The following UNC5C variants were observed in gnomAD, a reference collection of about 807,000 sequenced individuals.
The protein encoded by UNC5C is netrin receptor UNC5C.
A neutral mutation model predicts 99.8 loss-of-function variants in UNC5C; 47 were observed. The observed-to-expected ratio is 0.47, with a 90% confidence interval of 0.37 to 0.60. The LOEUF is 0.60. UNC5C is among the 20% of genes least tolerant of loss of function. The pLI, the probability that UNC5C is intolerant of heterozygous loss-of-function variation, is 0.00. For synonymous variants in UNC5C, 487 were observed against 452.2 expected (o/e 1.08, Z -0.98); for missense variants, 1,062 against 1,165.9 (o/e 0.91, Z 1.30).
At chr4:95,372,896 C>CCCTA (rs1270051472) in intron 1 of UNC5C, among the ~76,000 whole-genome samples, 3 of 152,056 alleles carry the variant, frequency 2.0e-5, no homozygotes, top group Non-Finnish European at 4.4e-5. Context: ...TAGCACCAGG[C>CCCTA]CCTAGGTCCT....
At chr4:95,505,124 T>A (rs895762231) in intron 1 of UNC5C, among the ~76,000 whole-genome samples, 2 of 152,124 alleles carry the variant, frequency 1.3e-5, no homozygotes, top group Non-Finnish European at 2.9e-5. Context: ...CTGCTTTAAC[T>A]GGTCCGTTAT....
chr4:95,278,185 A>G (rs1014786831), intron 4 of UNC5C, 74 bp downstream of exon 4: 3 of 1,227,702 alleles, frequency 2.4e-6, no homozygotes, highest in Non-Finnish European at 2.4e-6. Context: ...TCACTGCACC[A>G]TTAGCCATGG....
chr4:95,354,205 G>T lies in UNC5C; in HGVS notation c.125-18574C>A, dbSNP rs181522223. The stretch of plus-strand genomic sequence containing the variant: ...TCATAACTGTTGTTGTGTGCCTGCT[G>T]TCTAAAGGTAAGATCTGACTAAGTC... On this transcript the variant is annotated intron_variant, in intron 1 of 15. Coordinates refer to ENST00000453304, the MANE Select transcript of UNC5C (RefSeq NM_003728.4). Among the ~76,000 whole-genome samples, 314 of 151,918 alleles carry T rather than the reference G, an allele frequency of 2.1e-3. 2 individuals carry two copies. Among genetic ancestry groups the T allele is most frequent in the African/African-American group, 7.2e-3 (300 of 41,418 alleles).
chr4:95,475,273 G>C (rs1428721164), intron 1 of UNC5C, among the ~76,000 whole-genome samples: 2 of 151,984 alleles, frequency 1.3e-5, no homozygotes, highest in African/African-American at 2.4e-5. Flanking sequence ...TTATTGAAGG[G>C]AACATGTGAG....
At chr4:95,492,167 A>G (rs560988951) in intron 1 of UNC5C, among the ~76,000 whole-genome samples, 16 of 151,618 alleles carry the variant, frequency 1.1e-4, no homozygotes, top group South Asian at 1.0e-3. Context: ...AGCAATGTAT[A>G]GTTTGGGGAA....
At chr4:95,223,310 T>G (rs1254521330) in intron 7 of UNC5C, among the ~76,000 whole-genome samples, 3 of 152,196 alleles carry the variant, frequency 2.0e-5, no homozygotes, top group Non-Finnish European at 2.9e-5. Flanking sequence ...AAAATGAAGA[T>G]GACTAAGAAG....
At chr4:95,231,387 A>T (rs1349803229) in intron 7 of UNC5C, among the ~76,000 whole-genome samples, 2 of 152,202 alleles carry the variant, frequency 1.3e-5, no homozygotes, top group Non-Finnish European at 2.9e-5. Flanking sequence ...CATATGACAT[A>T]ATGTCATTTA....
At chr4:95,490,611 T>C (rs572063250) in intron 1 of UNC5C, among the ~76,000 whole-genome samples, 1 of 151,766 alleles carries the variant, frequency 6.6e-6, no homozygotes, top group African/African-American at 2.4e-5. Flanking sequence ...CAAATATAAA[T>C]GGAAAAAAAT....
chr4:95,331,042 T>C (rs975941325), intron 2 of UNC5C, among the ~76,000 whole-genome samples: 3 of 152,110 alleles, frequency 2.0e-5, no homozygotes, highest in African/African-American at 7.2e-5. Flanking sequence ...TATTTAGCTC[T>C]CACAAGTGAG....
chr4:95,182,801 C>A, intron 14 of UNC5C, 96 bp downstream of exon 14: 1 of 1,352,652 alleles, frequency 7.4e-7, no homozygotes, highest in South Asian at 1.9e-5. Context: ...GAGGACTTCC[C>A]ATATGGACTA....
intron 2 of UNC5C, among the ~76,000 whole-genome samples, chr4:95,331,468 G>A (rs1452211953): frequency 1.3e-5 from 2 of 152,032 alleles, no homozygotes; most frequent in African/African-American, 4.8e-5. Context: ...ATACCTACAT[G>A]AGTCTAGTAT....
Position 95,375,900 on chromosome 4 carries a change from AC to A in UNC5C, c.125-40270del, listed in dbSNP as rs140608477. On this transcript the variant is annotated intron_variant, in intron 1 of 15. Coordinates refer to ENST00000453304, the MANE Select transcript of UNC5C (RefSeq NM_003728.4). Reference sequence around the variant, plus strand: ...AGACCATCCTGGCTAACACGGTGAAACCCCGTCTCTACTAAAAATACTAATA... The same window carrying A: ...AGACCATCCTGGCTAACACGGTGAAACCCGTCTCTACTAAAAATACTAATA... 5.0e-3 allele frequency among the ~76,000 whole-genome samples: 754 copies of A among 152,086 alleles called. 5 individuals carry two copies. Among genetic ancestry groups the A allele is most frequent in the African/African-American group, 0.017 (722 of 41,480 alleles).
intron 1 of UNC5C, among the ~76,000 whole-genome samples, chr4:95,496,763 C>G (rs974247789): frequency 1.3e-5 from 2 of 151,740 alleles, no homozygotes; most frequent in Non-Finnish European, 2.9e-5. Flanking sequence ...ATGATGATTT[C>G]TGAGATTTTG....
At chr4:95,300,989 G>T (rs1430987709) in intron 3 of UNC5C, among the ~76,000 whole-genome samples, 1 of 152,012 alleles carries the variant, frequency 6.6e-6, no homozygotes, top group Non-Finnish European at 1.5e-5. Flanking sequence ...TGCCAGAGGG[G>T]TGGATACCTC....
At chr4:95,282,444 G>A (rs1387147785) in intron 3 of UNC5C, among the ~76,000 whole-genome samples, 2 of 152,112 alleles carry the variant, frequency 1.3e-5, no homozygotes, top group African/African-American at 2.4e-5. Context: ...GTTCTCCTTA[G>A]CCCTCTGAAG....
intron 1 of UNC5C, among the ~76,000 whole-genome samples, chr4:95,539,952 A>ATAAACTATACAT (rs1007470396): frequency 3.9e-5 from 6 of 151,992 alleles, no homozygotes; most frequent in African/African-American, 1.5e-4. Flanking sequence ...ATGTAATAGT[A>ATAAACTATACAT]AATAAACTAT....
At chr4:95,195,716 C>T (rs1199848640) in intron 12 of UNC5C, among the ~76,000 whole-genome samples, 1 of 152,174 alleles carries the variant, frequency 6.6e-6, no homozygotes, top group East Asian at 1.9e-4. Context: ...AGAACGTGAG[C>T]ATCACACAAT....
chr4:95,374,727 G>T (rs1744842430), intron 1 of UNC5C, among the ~76,000 whole-genome samples: 2 of 152,128 alleles, frequency 1.3e-5, no homozygotes, highest in African/African-American at 4.8e-5. Flanking sequence ...GGAGGCCCAG[G>T]GTGGCAGGCC....
chr4:95,255,166 A>C (rs1277554792), intron 4 of UNC5C, among the ~76,000 whole-genome samples: 2 of 151,730 alleles, frequency 1.3e-5, no homozygotes, highest in African/African-American at 4.8e-5. Context: ...TTTTAGTAGA[A>C]ATAGGGTTTC....
Sources: gnomAD v4.1 joint callset for allele counts (sites outside exome capture counted in the v4.1 genomes callset) on GRCh38, gnomAD v4.1.1 for gene constraint, MANE v1.5 for transcripts, NCBI Gene and HGNC (gene_info 2026-07-23, HGNC 2026-07-21) for gene names.